The following ZNF600 variants were observed in gnomAD, a reference collection of about 807,000 sequenced individuals.
ZNF600 encodes zinc finger protein 600.
Under a neutral mutation model 7.3 loss-of-function variants are expected in ZNF600, and 4 were observed. The ratio of observed to expected loss-of-function variants is 0.55; its 90% confidence interval spans 0.27 to 1.25. ZNF600 has a LOEUF of 1.25. Ranked by LOEUF, ZNF600 falls within the 50% of genes most tolerant of loss-of-function variation. The pLI, the probability that ZNF600 is intolerant of heterozygous loss-of-function variation, is 0.12. For missense variants in ZNF600, 911 were observed against 922.1 expected, an observed-to-expected ratio of 0.99 and a Z score of 0.16; for synonymous variants, 290 against 308.9, an observed-to-expected ratio of 0.94 and a Z score of 0.64.
the ZNF600 span, among the ~76,000 whole-genome samples, chr19:52,828,612 A>C: frequency 6.6e-6 from 1 of 152,204 alleles, no homozygotes; most frequent in Non-Finnish European, 1.5e-5. Context: ...AAGATATAAA[A>C]CATAGAATGT....
chr19:52,784,458 T>C (rs1258770836), intron 1 of ZNF600, among the ~76,000 whole-genome samples: 14 of 151,866 alleles, frequency 9.2e-5, no homozygotes, highest in Admixed American at 9.2e-4. Context: ...GAGAAAGTGA[T>C]TTTTTTTCCC....
At chr19:52,809,857 G>A in the ZNF600 span, 2 of 638,366 alleles carry the variant, frequency 3.1e-6, no homozygotes, top group Non-Finnish European at 5.5e-6. Context: ...GGTGGCAGTA[G>A]CACTGGGCCT....
the ZNF600 span, among the ~76,000 whole-genome samples, chr19:52,824,079 AAATAAT>A: frequency 3.6e-3 from 546 of 150,990 alleles, 2 homozygotes; most frequent in African/African-American, 0.012. Context: ...AACAAAAAAT[AAATAAT>A]AATAATAATA....
the ZNF600 span, chr19:52,799,511 A>G: frequency 2.8e-5 from 34 of 1,214,466 alleles, no homozygotes; most frequent in African/African-American, 5.0e-4. Context: ...TGCCACATTC[A>G]TTACACTTGT....
chr19:52,796,484 G>A, the ZNF600 span, among the ~76,000 whole-genome samples: 2 of 151,586 alleles, frequency 1.3e-5, no homozygotes, highest in African/African-American at 4.8e-5. Flanking sequence ...TGTGAGAGCG[G>A]GAGGAGGAAT....
At chr19:52,774,154 G>A (rs1464394118) in intron 3 of ZNF600, among the ~76,000 whole-genome samples, 3 of 152,020 alleles carry the variant, frequency 2.0e-5, no homozygotes, top group Non-Finnish European at 4.4e-5. Context: ...ATGGGTCCAG[G>A]GGCTGTGGCT....
chr19:52,775,035 T>A (rs1184675973), intron 2 of ZNF600, among the ~76,000 whole-genome samples: 1 of 151,702 alleles, frequency 6.6e-6, no homozygotes, highest in Non-Finnish European at 1.5e-5. Flanking sequence ...ATGTCAAGAG[T>A]TCGAGACCAC....
At chr19:52,824,360 C>T in the ZNF600 span, among the ~76,000 whole-genome samples, 4 of 152,172 alleles carry the variant, frequency 2.6e-5, no homozygotes, top group East Asian at 5.8e-4. Context: ...CATGACTGGT[C>T]GCGGTGGCTC....
the ZNF600 span, among the ~76,000 whole-genome samples, chr19:52,813,504 A>C: frequency 1.7e-5 from 2 of 120,586 alleles, no homozygotes; most frequent in African/African-American, 3.9e-5. Context: ...TTTTTTTTTT[A>C]CCCAGGGCTC....
At chr19:52,826,220 A>G in the ZNF600 span, among the ~76,000 whole-genome samples, 1 of 152,012 alleles carries the variant, frequency 6.6e-6, no homozygotes, top group Non-Finnish European at 1.5e-5. Flanking sequence ...AATAGAACAA[A>G]TTATCCTCTA....
chr19:52,809,555 C>G, the ZNF600 span, among the ~76,000 whole-genome samples: 2,017 of 152,250 alleles, frequency 0.013, 48 homozygotes, highest in African/African-American at 0.047. Flanking sequence ...CGCCTGTAAT[C>G]CCAGCACTTT....
the ZNF600 span, among the ~76,000 whole-genome samples, chr19:52,825,201 G>A: frequency 0.1 from 15,614 of 152,096 alleles, 1,034 homozygotes; most frequent in Admixed American, 0.14. Context: ...TACATGTAGC[G>A]AAGTCAGCAC....
At chr19:52,771,505 A>G (rs760331886) in intron 3 of ZNF600, among the ~76,000 whole-genome samples, 1 of 150,166 alleles carries the variant, frequency 6.7e-6, no homozygotes, top group Non-Finnish European at 1.5e-5. Flanking sequence ...ACAGAGTCTC[A>G]CTCTGTCACC....
chr19:52,816,246 T>C, the ZNF600 span, among the ~76,000 whole-genome samples: 1 of 147,024 alleles, frequency 6.8e-6, no homozygotes, highest in East Asian at 2.0e-4. Flanking sequence ...GGGCTGGGCA[T>C]GGTGGCTTGC....
At chr19:52,767,328 G>A in exon 4 of ZNF600, 1 of 1,614,118 alleles carries the variant, frequency 6.2e-7, no homozygotes, top group South Asian at 1.1e-5. Context: ...AGAATTCGGG[G>A]AATTATTCCC....
chr19:52,808,266 C>T, the ZNF600 span: 5 of 1,486,452 alleles, frequency 3.4e-6, no homozygotes, highest in Middle Eastern at 1.8e-4. Context: ...GGATTTTTCA[C>T]CACATGATGT....
At chr19:52,810,434 G>T in the ZNF600 span, 1 of 1,601,880 alleles carries the variant, frequency 6.2e-7, no homozygotes, top group South Asian at 1.1e-5. Flanking sequence ...ATCCCAAAGG[G>T]TTTGCATATA....
At chr19:52,801,149 T>G in the ZNF600 span, 2 of 1,614,102 alleles carry the variant, frequency 1.2e-6, no homozygotes, top group South Asian at 1.1e-5. Context: ...TTATCTGATG[T>G]TTTTTTAAAA....
the ZNF600 span, among the ~76,000 whole-genome samples, chr19:52,826,708 AAAAC>A: frequency 3.9e-5 from 6 of 151,958 alleles, no homozygotes; most frequent in African/African-American, 1.5e-4. Context: ...TCCATCTCAA[AAAAC>A]AAACAAACAA....
Sources: gnomAD v4.1 joint callset for allele counts (sites outside exome capture counted in the v4.1 genomes callset) on GRCh38, gnomAD v4.1.1 for gene constraint, MANE v1.5 for transcripts, NCBI Gene and HGNC (gene_info 2026-07-23, HGNC 2026-07-21) for gene names.